ANKS1A: variants seen among roughly 807,000 people sequenced by gnomAD.
The protein encoded by ANKS1A is ankyrin repeat and sterile alpha motif domain containing 1A, also known as ankyrin repeat and SAM domain-containing protein 1A.
In ANKS1A, 55 loss-of-function variants were observed where a neutral mutation model predicts 120.3. That is an observed-to-expected ratio of 0.46 (90% CI 0.37 to 0.57). ANKS1A has a LOEUF of 0.57. Among genes scored for constraint, ANKS1A ranks in the 20% least tolerant of loss-of-function variants. The pLI, the probability that ANKS1A is intolerant of heterozygous loss-of-function variation, is 0.00. For synonymous variants in ANKS1A, 590 were observed against 604.7 expected (o/e 0.98, Z 0.36); for missense variants, 1,123 against 1,480.3 (o/e 0.76, Z 3.96).
chr6:34,963,203 G>A (rs1230328180), intron 1 of ANKS1A, among the ~76,000 whole-genome samples: 1 of 152,086 alleles, frequency 6.6e-6, no homozygotes, highest in African/African-American at 2.4e-5. Flanking sequence ...AAGTATAATT[G>A]CCTTATTGTA....
chr6:35,006,802 T>G (rs532072519), intron 10 of ANKS1A, among the ~76,000 whole-genome samples: 1 of 152,180 alleles, frequency 6.6e-6, no homozygotes, highest in African/African-American at 2.4e-5. Flanking sequence ...TACCCTACTA[T>G]GTACCCACAA....
At chr6:34,975,477 G>A (rs1771524649) in intron 3 of ANKS1A, among the ~76,000 whole-genome samples, 1 of 150,616 alleles carries the variant, frequency 6.6e-6, no homozygotes, top group African/African-American at 2.4e-5. Flanking sequence ...AAAAAGGAAA[G>A]CTAGCCAGTG....
At chr6:34,976,550 T>C (rs1771597134) in intron 3 of ANKS1A, among the ~76,000 whole-genome samples, 1 of 152,182 alleles carries the variant, frequency 6.6e-6, no homozygotes. Context: ...TTCACAGTCT[T>C]AGAACTGAAA....
intron 3 of ANKS1A, among the ~76,000 whole-genome samples, chr6:34,980,062 G>A (rs1440254790): frequency 6.6e-6 from 1 of 152,242 alleles, no homozygotes; most frequent in Admixed American, 6.5e-5. Context: ...AGGTTTGTTT[G>A]GCACAGGGAG....
At chr6:34,916,988 A>G (rs764240996) in intron 1 of ANKS1A, among the ~76,000 whole-genome samples, 5 of 152,182 alleles carry the variant, frequency 3.3e-5, no homozygotes, top group African/African-American at 4.8e-5. Flanking sequence ...CTTACATGGT[A>G]TAATAGAGTA....
chr6:35,088,833 C>T lies in ANKS1A; in HGVS notation c.*224C>T. 6.8e-7 allele frequency: 1 copy of T among 1,463,818 alleles called. No homozygotes were observed. Among genetic ancestry groups the T allele is most frequent in the Admixed American group, 2.4e-5 (1 of 41,512 alleles). 90.7% of individuals were successfully genotyped at this position (1,463,818 alleles called of 1,614,324 possible). On this transcript the variant is annotated 3_prime_UTR_variant, in exon 24 of 24. Coordinates refer to ENST00000360359, the MANE Select transcript of ANKS1A (RefSeq NM_015245.3). The stretch of plus-strand genomic sequence containing the variant: ...CACTCCAGGCCGCTAGCAGATGGGA[C>T]TGGCATTCCAGAGGGTCAAGAAGTG...
chr6:34,944,101 A>C (rs548774356), intron 1 of ANKS1A, among the ~76,000 whole-genome samples: 3,405 of 152,234 alleles, frequency 0.022, 54 homozygotes, highest in Non-Finnish European at 0.035. Context: ...GTGAAAACCC[A>C]GTCTCTACTA....
Position 35,089,464 on chromosome 6 carries a change from C to G in ANKS1A, c.*855C>G. ...TTGTGTCAGAGAATAGGAAAAGCAGCTTTGTTTGGGGCATTAATGCTTGGA... is the reference window on the plus strand; with the variant it reads ...TTGTGTCAGAGAATAGGAAAAGCAGGTTTGTTTGGGGCATTAATGCTTGGA... On this transcript the variant is annotated 3_prime_UTR_variant, in exon 24 of 24. Transcript: ENST00000360359. The G allele has an allele frequency of 1.0e-6, 1 of 986,576 alleles. No individual in the cohort carries two copies. Among genetic ancestry groups the G allele is most frequent in the Non-Finnish European group, 1.2e-6 (1 of 830,534 alleles). 61.1% of individuals were successfully genotyped at this position (986,576 alleles called of 1,614,324 possible).
At chr6:35,061,776 C>G (rs56122629) in intron 13 of ANKS1A, among the ~76,000 whole-genome samples, 1 of 152,202 alleles carries the variant, frequency 6.6e-6, no homozygotes, top group Non-Finnish European at 1.5e-5. Context: ...TGACTCACCA[C>G]GTTCCTCGGG....
At chr6:34,900,938 A>C (rs1767318342) in intron 1 of ANKS1A, among the ~76,000 whole-genome samples, 1 of 152,048 alleles carries the variant, frequency 6.6e-6, no homozygotes, top group Admixed American at 6.6e-5. Context: ...TAGTTTAGAG[A>C]ATGTGGGGGA....
In ANKS1A at chr6:35,090,698, GACA is replaced by G. The variant is rs2127621151; in HGVS notation, c.*2090_*2092del. 1 of 988,594 alleles carries G rather than the reference GACA, an allele frequency of 1.0e-6. No individual in the cohort carries two copies. Among genetic ancestry groups the G allele is most frequent in the East Asian group, 1.1e-4 (1 of 8,902 alleles). 61.2% of individuals were successfully genotyped at this position (988,594 alleles called of 1,614,324 possible). On this transcript the variant is annotated 3_prime_UTR_variant, in exon 24 of 24. Transcript: ENST00000360359. The stretch of plus-strand genomic sequence containing the variant: ...CTAGAAAGGTTATTATAACTTTAAG[GACA>G]GGCTTCAAGTGGGAAGGCCCCTACT...
intron 16 of ANKS1A, 68 bp downstream of exon 16, chr6:35,079,996 C>A (rs1275961473): frequency 1.3e-6 from 2 of 1,510,924 alleles, no homozygotes; most frequent in Admixed American, 2.0e-5. Flanking sequence ...ACATAGAATT[C>A]TTTAGGATTC....
At chr6:35,061,509 C>G (rs1211884812) in intron 13 of ANKS1A, among the ~76,000 whole-genome samples, 1 of 152,150 alleles carries the variant, frequency 6.6e-6, no homozygotes, top group African/African-American at 2.4e-5. Context: ...TCTCGCTGAT[C>G]GGGTTGTGTT....
chr6:34,983,414 A>G lies in ANKS1A; in HGVS notation c.1001A>G (p.Gln334Arg). 6.2e-7 allele frequency: 1 copy of G among 1,613,586 alleles called. No individual in the cohort carries two copies. Among genetic ancestry groups the G allele is most frequent in the Non-Finnish European group, 8.5e-7 (1 of 1,179,732 alleles). ...ATCTCCAGTATGGACTCCATATCAC[A>G]GAAGTCTCAGGGTAAGGTAACTCTC... is the stretch of plus-strand genomic sequence containing the variant. Reference protein sequence around the residue: ...PLISSMDSISQKSQGDVEKAV... With the variant: ...PLISSMDSISRKSQGDVEKAV... Residue 334 changes from glutamine (Q) to arginine (R), a missense_variant, in exon 7 of 24, where the codon CAG becomes CGG. Gln to Arg is a conservative substitution (Grantham distance 43, BLOSUM62 1). Around this residue, in one of 3 missense-constraint regions of ANKS1A, gnomAD observed 904 missense variants for 1,130.4 expected, o/e 0.80. Transcript: ENST00000360359.
chr6:35,084,262 G>A lies in ANKS1A; in HGVS notation c.3132+4G>A. The stretch of plus-strand genomic sequence containing the variant: ...TGTGTTCAGCACCGTGGATGTGGTG[G>A]GTGGGGTCCTGGGGCCGGGTGGGGC... On this transcript the variant is annotated splice_donor_region_variant and intron_variant, in intron 21 of 23. Coordinates refer to ENST00000360359, the MANE Select transcript of ANKS1A (RefSeq NM_015245.3). This position sits in a 1 kb window ranked among gnomAD's most constrained non-coding sequence, Gnocchi z 4.8. The A allele has an allele frequency of 6.2e-7, 1 of 1,613,900 alleles. No homozygotes were observed. Among genetic ancestry groups the A allele is most frequent in the Non-Finnish European group, 8.5e-7 (1 of 1,179,920 alleles).
At chr6:34,985,653 A>G (rs1266394818) in intron 8 of ANKS1A, among the ~76,000 whole-genome samples, 1 of 152,246 alleles carries the variant, frequency 6.6e-6, no homozygotes, top group Non-Finnish European at 1.5e-5. Flanking sequence ...GCATACAGTG[A>G]AAGCTCACTG....
At chr6:35,069,845 T>C (rs1192864019) in intron 13 of ANKS1A, among the ~76,000 whole-genome samples, 1 of 151,902 alleles carries the variant, frequency 6.6e-6, no homozygotes, top group Admixed American at 6.5e-5. Context: ...TGACCAACAA[T>C]GGCGAAACCC....
At chr6:35,073,668 G>A (rs955256805) in intron 13 of ANKS1A, among the ~76,000 whole-genome samples, 1 of 152,264 alleles carries the variant, frequency 6.6e-6, no homozygotes, top group African/African-American at 2.4e-5. Flanking sequence ...ACAATGAACT[G>A]TTGTCCTTTA....
downstream of ANKS1A, among the ~76,000 whole-genome samples, chr6:35,092,135 C>G (rs1778328338): frequency 6.6e-6 from 1 of 152,164 alleles, no homozygotes; most frequent in Admixed American, 6.5e-5. Flanking sequence ...ATTCATAAAG[C>G]AGGGCCCAGG....
Sources: gnomAD v4.1 joint callset for allele counts (sites outside exome capture counted in the v4.1 genomes callset) on GRCh38, gnomAD v4.1.1 for gene constraint, gnomAD v4.1.1 regional missense constraint, Gnocchi (gnomAD v3.1) non-coding constraint, MANE v1.5 for transcripts, NCBI Gene and HGNC (gene_info 2026-07-23, HGNC 2026-07-21) for gene names.